The following TTLL5 variants were observed in gnomAD, a reference collection of about 807,000 sequenced individuals.
TTLL5 encodes the protein tubulin tyrosine ligase like 5.
In TTLL5, 132 loss-of-function variants were observed where a neutral mutation model predicts 168.4. That is an observed-to-expected ratio of 0.78 (90% CI 0.68 to 0.91). The LOEUF is 0.91. TTLL5 is among the 40% of genes least tolerant of loss of function. The pLI is 0.00. For missense variants in TTLL5, 1,545 were observed against 1,581.5 expected (o/e 0.98, Z 0.39); for synonymous variants, 546 against 558.6 (o/e 0.98, Z 0.32).
chr14:75,728,374 AGAG>A (rs1465825955), intron 12 of TTLL5, among the ~76,000 whole-genome samples: 3 of 144,902 alleles, frequency 2.1e-5, no homozygotes, highest in Non-Finnish European at 4.6e-5. Context: ...AAAAAAAAAA[AGAG>A]AGAAAAAGAG....
intron 28 of TTLL5, among the ~76,000 whole-genome samples, chr14:75,821,064 AG>A (rs1894804854): frequency 1.3e-5 from 2 of 152,104 alleles, no homozygotes; most frequent in Non-Finnish European, 2.9e-5. Flanking sequence ...TGAGATTCAG[AG>A]GGGGTACTGA....
intron 20 of TTLL5, among the ~76,000 whole-genome samples, chr14:75,766,570 A>G (rs531531104): frequency 5.3e-5 from 8 of 152,292 alleles, no homozygotes; most frequent in East Asian, 1.9e-4. Flanking sequence ...AGGTAGAGCT[A>G]TGATACAAAC....
Position 75,954,459 on chromosome 14 carries a change from C to G in TTLL5, c.*13C>G, listed in dbSNP as rs377115551. On this transcript the variant is annotated 3_prime_UTR_variant, in exon 32 of 32. Transcript: ENST00000298832. ...CACTAAAATATGAACCACAAACACACAGAGAAACAACCTGTTCACCACTCC... is the reference window on the plus strand; with the variant it reads ...CACTAAAATATGAACCACAAACACAGAGAGAAACAACCTGTTCACCACTCC... The G allele has an allele frequency of 1.2e-4, 198 of 1,613,872 alleles. No individual in the cohort carries two copies. The African/African-American group carries it at 2.4e-3, about 19-fold the overall frequency.
At chr14:75,735,085 T>C (rs1594944737) in intron 14 of TTLL5, 110 bp from the exon 15 acceptor site, 1 of 934,080 alleles carries the variant, frequency 1.1e-6, no homozygotes, top group East Asian at 2.4e-5. Flanking sequence ...TAGATCTCTG[T>C]GATATTTATG....
intron 31 of TTLL5, among the ~76,000 whole-genome samples, chr14:75,910,652 G>A (rs1292533340): frequency 2.6e-5 from 4 of 152,186 alleles, no homozygotes; most frequent in Admixed American, 1.3e-4. Context: ...CTTTCCACAC[G>A]GAAATATTTA....
chr14:75,732,108 G>A, intron 12 of TTLL5: 1 of 435,842 alleles, frequency 2.3e-6, no homozygotes, highest in Non-Finnish European at 4.1e-6. Context: ...AATAGACACT[G>A]CATGATAAAA....
chr14:75,722,661 G>A (rs556718662), intron 12 of TTLL5, among the ~76,000 whole-genome samples: 24 of 149,852 alleles, frequency 1.6e-4, no homozygotes, highest in East Asian at 5.9e-4. Flanking sequence ...TTTTAGTTTT[G>A]TATTAGAGAC....
At chr14:75,677,797 A>ATT (rs1389610664) in intron 3 of TTLL5, among the ~76,000 whole-genome samples, 3 of 143,052 alleles carry the variant, frequency 2.1e-5, no homozygotes, top group Non-Finnish European at 3.1e-5. Context: ...AAAAAAAAAA[A>ATT]TTTTTTTTTT....
intron 28 of TTLL5, among the ~76,000 whole-genome samples, chr14:75,851,757 C>T (rs1896868368): frequency 6.6e-6 from 1 of 152,070 alleles, no homozygotes; most frequent in Non-Finnish European, 1.5e-5. Context: ...TTTTTTGGAT[C>T]CAATAGTTTG....
In TTLL5 at chr14:75,775,601, C is replaced by T. The variant is rs749511543; in HGVS notation, c.2254C>T (p.Leu752=). ...LERRRILAHQ[L]GDFIIVYNKE... ...ACGCAGAAGAATCCTGGCCCACCAG[C>T]TGGGTGACTTTATCATTGTATACAA... is the stretch of plus-strand genomic sequence containing the variant. Residue 752 remains leucine (L), a synonymous_variant, in exon 22 of 32, where the codon CTG becomes TTG. Transcript: ENST00000298832. The T allele has an allele frequency of 3.7e-6, 6 of 1,614,110 alleles. No individual in the cohort carries two copies. Among genetic ancestry groups the T allele is most frequent in the Non-Finnish European group, 5.1e-6 (6 of 1,179,984 alleles).
At chr14:75,798,198 C>A (rs1893095106) in intron 27 of TTLL5, among the ~76,000 whole-genome samples, 1 of 152,040 alleles carries the variant, frequency 6.6e-6, no homozygotes, top group Non-Finnish European at 1.5e-5. Context: ...AGGAATTTAT[C>A]CGTCTCCTCT....
intron 27 of TTLL5, among the ~76,000 whole-genome samples, chr14:75,796,182 G>A (rs997980291): frequency 1.3e-5 from 2 of 152,226 alleles, no homozygotes; most frequent in African/African-American, 4.8e-5. Flanking sequence ...CTGATAATAA[G>A]TGATGTTGAG....
intron 17 of TTLL5, among the ~76,000 whole-genome samples, chr14:75,752,256 C>A (rs573542951): frequency 1.3e-5 from 2 of 152,202 alleles, no homozygotes; most frequent in Non-Finnish European, 2.9e-5. Context: ...TTTTACCCAG[C>A]CCCTGTTCAA....
At chr14:75,845,897 C>T (rs112753647) in intron 28 of TTLL5, among the ~76,000 whole-genome samples, 2 of 151,862 alleles carry the variant, frequency 1.3e-5, no homozygotes, top group Admixed American at 6.6e-5. Context: ...TTGGTGATAG[C>T]GTACAAAGGA....
chr14:75,848,739 A>C (rs1896687444), intron 28 of TTLL5, among the ~76,000 whole-genome samples: 1 of 152,218 alleles, frequency 6.6e-6, no homozygotes, highest in South Asian at 2.1e-4. Context: ...CAGACTCCTA[A>C]TAGATAAAGG....
chr14:75,886,600 G>A, intron 30 of TTLL5: 1 of 1,343,206 alleles, frequency 7.4e-7, no homozygotes, highest in South Asian at 1.3e-5. Flanking sequence ...TGTCAGTTCT[G>A]TGAAGGGAAT....
intron 18 of TTLL5, among the ~76,000 whole-genome samples, chr14:75,756,290 C>G (rs761558639): frequency 6.6e-6 from 1 of 151,960 alleles, no homozygotes; most frequent in African/African-American, 2.4e-5. Context: ...TTATGTGACT[C>G]TATATAATAT....
intron 28 of TTLL5, among the ~76,000 whole-genome samples, chr14:75,858,960 A>T (rs1897274330): frequency 1.3e-5 from 2 of 152,164 alleles, no homozygotes; most frequent in African/African-American, 4.8e-5. Flanking sequence ...AATGTCAGTG[A>T]CACCTCCACC....
At chr14:75,783,068 T>C in intron 25 of TTLL5, 79 bp from the exon 26 acceptor site, 2 of 1,388,796 alleles carry the variant, frequency 1.4e-6, no homozygotes, top group Non-Finnish European at 9.7e-7. Context: ...GATGTTTATG[T>C]TTTAAAAATA....
Sources: gnomAD v4.1 joint callset for allele counts (sites outside exome capture counted in the v4.1 genomes callset) on GRCh38, gnomAD v4.1.1 for gene constraint, MANE v1.5 for transcripts, NCBI Gene and HGNC (gene_info 2026-07-23, HGNC 2026-07-21) for gene names.